Variants in THBS2 observed in about 807,000 individuals in gnomAD.
The protein encoded by THBS2 is thrombospondin-2.
Under a neutral mutation model 135.2 loss-of-function variants are expected in THBS2, and 47 were observed. The ratio of observed to expected loss-of-function variants is 0.35; its 90% confidence interval spans 0.28 to 0.44. The LOEUF (loss-of-function observed/expected upper bound fraction) is 0.44, where lower values mean the gene tolerates loss of function less well. Ranked by LOEUF, THBS2 falls within the 20% of genes least tolerant of loss-of-function variation. The probability of loss-of-function intolerance (pLI) is 1.00; values close to 1 mark genes in which losing one functional copy is unlikely to be tolerated. For missense variants in THBS2, 1,288 were observed against 1,603.1 expected (o/e 0.80, Z 3.36); for synonymous variants, 639 against 633.8 (o/e 1.01, Z -0.12).
chr6:169,225,137 G>A lies in THBS2; in HGVS notation c.2773+8C>T, dbSNP rs1469618156. 18 of 1,613,612 alleles carry A rather than the reference G, an allele frequency of 1.1e-5. No individual in the cohort carries two copies. The highest frequency in any genetic ancestry group is 1.5e-5 in the Non-Finnish European group (18 of 1,179,676). On this transcript the variant is annotated splice_region_variant and intron_variant, in intron 17 of 21. Coordinates refer to ENST00000617924, the MANE Select transcript of THBS2 (RefSeq NM_003247.5). ...TCCTCCACGCCCATGAGCTGAGAGA[G>A]CACCCACCGTCCAAGTCCTCCTGGT...
chr6:169,235,570 C>A (rs1252457530), intron 9 of THBS2, among the ~76,000 whole-genome samples: 1 of 152,012 alleles, frequency 6.6e-6, no homozygotes, highest in African/African-American at 2.4e-5. Context: ...GTAACTCACA[C>A]CCTAGTCTGC....
At chr6:169,226,099 A>T in intron 16 of THBS2, 81 bp downstream of exon 16, 1 of 1,435,676 alleles carries the variant, frequency 7.0e-7, no homozygotes, top group Non-Finnish European at 9.7e-7. Context: ...GGCAGTTGTC[A>T]CAGTGATCCC....
intron 4 of THBS2, among the ~76,000 whole-genome samples, chr6:169,242,394 T>C (rs2115019366): frequency 6.6e-6 from 1 of 152,160 alleles, no homozygotes; most frequent in East Asian, 1.9e-4. Context: ...CCCCCATATG[T>C]TCTGACGGCT....
In THBS2 at chr6:169,233,386, AC is replaced by A. The variant is rs372976120; in HGVS notation, c.1652-370del. Among the ~76,000 whole-genome samples, 157 of 151,952 alleles carry A rather than the reference AC, an allele frequency of 1.0e-3. 4 individuals carry two copies. In the East Asian group the frequency reaches 0.025, roughly 24 times the overall value. On this transcript the variant is annotated intron_variant, in intron 10 of 21. Coordinates refer to ENST00000617924, the MANE Select transcript of THBS2 (RefSeq NM_003247.5). ...ACCTACGCGCCACGTTCCGGATCAC[AC>A]AACTACCCACGTGCCACCTTCCACA...
At position 169,223,379 on chromosome 6, in the gene THBS2, G is replaced by C; in HGVS notation, c.2870C>G (p.Thr957Arg). Reference protein sequence around the residue: ...VCPENNAISETDFRNFQMVPL... With the variant: ...VCPENNAISERDFRNFQMVPL... The stretch of plus-strand genomic sequence containing the variant: ...GACCATCTGGAAGTTCCTGAAGTCT[G>C]TCTCACTGATGGCATTGTTTTCAGG... The change falls in exon 18 of 22, where the codon ACA (threonine) becomes AGA (arginine). Residue 957 changes from threonine to arginine, a missense_variant. Transcript: ENST00000617924. 2.5e-6 allele frequency: 4 copies of C among 1,614,174 alleles called. No homozygotes were observed. The highest frequency in any genetic ancestry group is 2.5e-6 in the Non-Finnish European group (3 of 1,180,030).
chr6:169,243,699 G>A (rs1365916189), intron 4 of THBS2, among the ~76,000 whole-genome samples: 1 of 152,126 alleles, frequency 6.6e-6, no homozygotes, highest in African/African-American at 2.4e-5. Context: ...ACTAACCTAG[G>A]GTATTTGTTT....
rs1446114967 is a variant in THBS2 at position 169,241,864 on chromosome 6, G to A, written c.789C>T (p.Pro263=). 1.7e-5 allele frequency: 27 copies of A among 1,612,354 alleles called. No homozygotes were observed. Among genetic ancestry groups the A allele is most frequent in the African/African-American group, 2.7e-5 (2 of 74,926 alleles). Residue 263 remains proline (P), a synonymous_variant, in exon 5 of 22, where the codon CCC becomes CCT. Transcript: ENST00000617924. This position sits in a 1 kb window ranked among gnomAD's most constrained non-coding sequence, Gnocchi z 5.5. ...EYVGPSSERR[P]EVCERSCEEL... ...CCTCGCACGAGCGTTCGCACACCTCGGGCCTCCTCTCCGAGCTGGGGCCCA... is the reference window on the plus strand; with the variant it reads ...CCTCGCACGAGCGTTCGCACACCTCAGGCCTCCTCTCCGAGCTGGGGCCCA...
chr6:169,248,367 C>A, intron 3 of THBS2, 50 bp downstream of exon 3: 1 of 1,550,246 alleles, frequency 6.5e-7, no homozygotes, highest in Non-Finnish European at 8.7e-7. Flanking sequence ...GATCAGTTCC[C>A]AGCTAAGCTC....
At chr6:169,227,606 G>C (rs1269821356) in intron 15 of THBS2, among the ~76,000 whole-genome samples, 1 of 152,206 alleles carries the variant, frequency 6.6e-6, no homozygotes, top group Non-Finnish European at 1.5e-5. Context: ...GCTTTCTCTA[G>C]GGCGGTCCTG....
At chr6:169,232,543 C>G in intron 12 of THBS2, 121 bp downstream of exon 12, 1 of 1,469,246 alleles carries the variant, frequency 6.8e-7, no homozygotes, top group Non-Finnish European at 9.1e-7. Flanking sequence ...CCGGGCCAGC[C>G]CCTCCCATGC....
intron 4 of THBS2, among the ~76,000 whole-genome samples, chr6:169,242,635 CTCCCACCTTCCCACCA>C (rs1780362613): frequency 4.3e-5 from 1 of 23,406 alleles, no homozygotes; most frequent in East Asian, 2.9e-3. Flanking sequence ...CTTCCCACCA[CTCCCACCTTCCCACCA>C]CTCCCACCTT....
chr6:169,225,988 G>A (rs935075078), intron 16 of THBS2, among the ~76,000 whole-genome samples, 192 bp downstream of exon 16: 3 of 152,224 alleles, frequency 2.0e-5, no homozygotes, highest in Non-Finnish European at 2.9e-5. Flanking sequence ...TGTCTTTGTG[G>A]AGCTCATGGA....
At position 169,248,451 on chromosome 6, in the gene THBS2, A is replaced by T; in HGVS notation, c.575T>A (p.Val192Glu). The part of the protein sequence containing the change: ...HLQAEKSRMY[V>E]AKGSARESHF... ...ACTCTCTCTGGCAGAGCCTTTGGCC[A>T]CGTACATCCGGCTCTTTTCCGCCTG... Residue 192 changes from valine to glutamate, a missense_variant, in exon 3 of 22, where the codon GTG becomes GAG. This residue lies in a region of THBS2 where 414 missense variants were observed against 447.0 expected (regional missense o/e 0.93). Transcript: ENST00000617924. The T allele has an allele frequency of 6.2e-7, 1 of 1,611,464 alleles. No individual in the cohort carries two copies. The highest frequency in any genetic ancestry group is 8.5e-7 in the Non-Finnish European group (1 of 1,177,886).
At chr6:169,246,352 C>T in intron 3 of THBS2, 71 bp from the exon 4 acceptor site, 1 of 1,265,158 alleles carries the variant, frequency 7.9e-7, no homozygotes. Context: ...AGCTAACTGA[C>T]ATTCTAAAAA....
chr6:169,234,926 AG>A lies in THBS2; in HGVS notation c.1478-20del, dbSNP rs769624068. ...CCATCGACTGCGGGGAAAGCCAACC[AG>A]GGGGAGCTCAGAGCAAGACCCGGGG... On this transcript the variant is annotated intron_variant, in intron 9 of 21. Coordinates refer to ENST00000617924, the MANE Select transcript of THBS2 (RefSeq NM_003247.5). The A allele has an allele frequency of 5.9e-5, 39 of 659,356 alleles. No homozygotes were observed. The highest frequency in any genetic ancestry group is 1.0e-4 in the East Asian group (1 of 9,746). The allele number at this position is 659,356 out of a possible 1,614,324, so 40.8% of individuals were successfully genotyped here.
chr6:169,228,241 T>G lies in THBS2; in HGVS notation c.2300A>C (p.Tyr767Ser). 4 of 1,614,154 alleles carry G rather than the reference T, an allele frequency of 2.5e-6. No homozygotes were observed. The highest frequency in any genetic ancestry group is 3.4e-6 in the Non-Finnish European group (4 of 1,180,032). ...QLLFNPRQAD[Y>S]DKDEVGDRCD... ...GCGGTCCCCAACCTCATCCTTGTCATAGTCAGCCTGGCGGGGATTGAAGAG... is the reference window on the plus strand; with the variant it reads ...GCGGTCCCCAACCTCATCCTTGTCAGAGTCAGCCTGGCGGGGATTGAAGAG... Residue 767 changes from tyrosine (Y) to serine (S), a missense_variant, in exon 15 of 22, where the codon TAT becomes TCT. Physicochemically the swap from Tyr to Ser is moderately radical, Grantham distance 144. Around this residue, in one of 2 missense-constraint regions of THBS2, gnomAD observed 874 missense variants for 1,156.1 expected, o/e 0.76. Transcript: ENST00000617924.
At chr6:169,226,884 T>C (rs1779648777) in intron 15 of THBS2, among the ~76,000 whole-genome samples, 1 of 152,108 alleles carries the variant, frequency 6.6e-6, no homozygotes, top group Admixed American at 6.5e-5. Flanking sequence ...GAGCCAGAAC[T>C]GAGCTGAGAC....
At chr6:169,242,075 C>T (rs1177000319) in intron 4 of THBS2, 117 bp from the exon 5 acceptor site, 3 of 1,188,822 alleles carry the variant, frequency 2.5e-6, no homozygotes, top group South Asian at 1.5e-5. Context: ...TGCTGGGAGA[C>T]ACAAGGCGGA....
intron 4 of THBS2, among the ~76,000 whole-genome samples, chr6:169,242,699 CCTTCCCACCACTCCCACCT>C (rs1562363157): frequency 2.9e-5 from 3 of 102,846 alleles, no homozygotes; most frequent in Non-Finnish European, 4.2e-5. Flanking sequence ...CATCTTCCCA[CCTTCCCACCACTCCCACCT>C]TCCCACCTTC....
Sources: allele counts gnomAD v4.1 joint callset (sites outside exome capture counted in the v4.1 genomes callset), GRCh38; gene constraint gnomAD v4.1.1; regional missense constraint gnomAD v4.1.1; non-coding constraint Gnocchi (gnomAD v3.1); transcripts MANE v1.5; gene names NCBI Gene and HGNC (gene_info 2026-07-23, HGNC 2026-07-21).